GBF1: variants seen among roughly 807,000 people sequenced by gnomAD.
The protein encoded by GBF1 is golgi brefeldin A resistant guanine nucleotide exchange factor 1, also known as Golgi-specific brefeldin A-resistance guanine nucleotide exchange factor 1.
In GBF1, 114 loss-of-function variants were observed where a neutral mutation model predicts 210.5. The observed-to-expected ratio is 0.54, with a 90% CI of 0.47 to 0.63. The LOEUF is 0.63. Among genes scored for constraint, GBF1 ranks in the 30% least tolerant of loss-of-function variants. The pLI, the probability that GBF1 is intolerant of heterozygous loss-of-function variation, is 0.00. For missense variants in GBF1, 1,851 were observed against 2,357.7 expected (o/e 0.79, Z 4.45); for synonymous variants, 850 against 889.2 (o/e 0.96, Z 0.78).
chr10:102,268,388 A>G (rs1179823937), intron 3 of GBF1, among the ~76,000 whole-genome samples: 3 of 152,252 alleles, frequency 2.0e-5, no homozygotes, highest in Admixed American at 6.5e-5. Flanking sequence ...TAGCTCTCAA[A>G]AACAGAGAAA....
intron 3 of GBF1, among the ~76,000 whole-genome samples, chr10:102,290,235 A>G (rs933016763): frequency 2.6e-5 from 4 of 152,184 alleles, no homozygotes; most frequent in African/African-American, 9.7e-5. Context: ...CATTTTTTAA[A>G]GTATATTTTT....
Position 102,369,447 on chromosome 10 carries a change from T to C in GBF1, c.3150+60T>C, listed in dbSNP as rs189570676. ...AGGCAAGAGCTGCAACATTGTATGC[T>C]ACCTGTACATAGAAGTAAGTGGTTG... On this transcript the variant is annotated intron_variant, in intron 24 of 39. Coordinates refer to ENST00000369983, the MANE Select transcript of GBF1 (RefSeq NM_001377137.1). 275 of 1,295,710 alleles carry C rather than the reference T, an allele frequency of 2.1e-4. 2 individuals are homozygous for C. In the East Asian group the frequency reaches 6.2e-3, roughly 29 times the overall value. 80.3% of individuals were successfully genotyped at this position (1,295,710 alleles called of 1,614,324 possible).
At chr10:102,370,884 G>A (rs1201743898) in intron 29 of GBF1, 24 bp downstream of exon 29, 5 of 1,611,354 alleles carry the variant, frequency 3.1e-6, no homozygotes, top group African/African-American at 2.7e-5. Flanking sequence ...ATCTTGGAGA[G>A]TGGGCAGGTA....
At chr10:102,325,550 C>CAAA (rs140406517) in intron 3 of GBF1, among the ~76,000 whole-genome samples, 42 of 96,356 alleles carry the variant, frequency 4.4e-4, no homozygotes, top group African/African-American at 1.4e-3. Context: ...GACTCCGTCT[C>CAAA]AAAAAAAAAA....
chr10:102,379,559 C>T lies in GBF1; in HGVS notation c.4684C>T (p.Arg1562Trp), dbSNP rs776846075. Residue 1562 changes from arginine (R) to tryptophan (W), a missense_variant, in exon 35 of 40, where the codon CGG (arginine) becomes TGG (tryptophan). Around this residue, in one of 3 missense-constraint regions of GBF1, gnomAD observed 967 missense variants for 1,247.7 expected, o/e 0.78. Coordinates refer to ENST00000369983, the MANE Select transcript of GBF1 (RefSeq NM_001377137.1). ...GTGCTGCGATGCCCGGCGCCAGGTA[C>T]GGATGCAGGCACTGACCTATCTGCA... ...CLCCDARRQV[R>W]MQALTYLQRA... The T allele has an allele frequency of 6.2e-7, 1 of 1,614,100 alleles. No homozygotes were observed. The highest frequency in any genetic ancestry group is 1.1e-5 in the South Asian group (1 of 91,070).
chr10:102,302,182 G>C (rs189549989), intron 3 of GBF1, among the ~76,000 whole-genome samples: 1 of 152,200 alleles, frequency 6.6e-6, no homozygotes, highest in Non-Finnish European at 1.5e-5. Context: ...GGAGAATCAG[G>C]CAGGGAGGTT....
Position 102,376,927 on chromosome 10 carries a change from C to A in GBF1, c.4289-8C>A. 1 of 1,613,414 alleles carries A rather than the reference C, an allele frequency of 6.2e-7. No individual in the cohort carries two copies. Among genetic ancestry groups the A allele is most frequent in the South Asian group, 1.1e-5 (1 of 91,056 alleles). On this transcript the variant is annotated splice_region_variant and splice_polypyrimidine_tract_variant and intron_variant, in intron 32 of 39. Coordinates refer to ENST00000369983, the MANE Select transcript of GBF1 (RefSeq NM_001377137.1). ...ACAGAAATGTGACCTGAGTCTGGCTCTGCTCAGGATGCAAGTCCCAGGAGA... is the reference window on the plus strand; with the variant it reads ...ACAGAAATGTGACCTGAGTCTGGCTATGCTCAGGATGCAAGTCCCAGGAGA...
intron 29 of GBF1, 39 bp downstream of exon 29, chr10:102,370,899 A>G (rs750561739): frequency 2.5e-6 from 4 of 1,587,068 alleles, no homozygotes; most frequent in East Asian, 4.5e-5. Context: ...CAGGTATGCA[A>G]GGGATTAAGG....
At chr10:102,311,954 A>C (rs913425057) in intron 3 of GBF1, among the ~76,000 whole-genome samples, 1 of 152,088 alleles carries the variant, frequency 6.6e-6, no homozygotes, top group African/African-American at 2.4e-5. Flanking sequence ...CCCACTTTTA[A>C]ATATCTCTTC....
At position 102,358,136 on chromosome 10, in the gene GBF1, G is replaced by C. The variant is rs1336762740; in HGVS notation, c.737G>C (p.Gly246Ala). ...PPRHMTKVTPGSELPTPNGTT... is the reference protein window; with the variant it reads ...PPRHMTKVTPASELPTPNGTT... ...CGCCATATGACCAAAGTCACACCAGGTTCAGAGCTGCCCACTCCCAATGGA... is the reference window on the plus strand; with the variant it reads ...CGCCATATGACCAAAGTCACACCAGCTTCAGAGCTGCCCACTCCCAATGGA... Residue 246 changes from glycine to alanine, a missense_variant, in exon 9 of 40, where the codon GGT (glycine) becomes GCT (alanine). Gly to Ala is a moderately conservative substitution (Grantham distance 60, BLOSUM62 0). This residue lies in a region of GBF1 where 804 missense variants were observed against 958.6 expected (regional missense o/e 0.84). Transcript: ENST00000369983. 1 of 1,613,750 alleles carries C rather than the reference G, an allele frequency of 6.2e-7. No individual in the cohort carries two copies. The highest frequency in any genetic ancestry group is 1.3e-5 in the African/African-American group (1 of 75,014).
chr10:102,303,296 T>C (rs933679350), intron 3 of GBF1, among the ~76,000 whole-genome samples: 1 of 152,126 alleles, frequency 6.6e-6, no homozygotes, highest in Admixed American at 6.5e-5. Flanking sequence ...CTTTAATTTT[T>C]GTATATGATA....
At position 102,382,853 on chromosome 10, in the gene GBF1, AAC is replaced by A. The variant is rs1449655700; in HGVS notation, c.*519_*520del. ...GCATGTACATATGGAAAAACAGAAC[AAC>A]AGTGGACTTTTTATGATATAATAAA... On this transcript the variant is annotated 3_prime_UTR_variant, in exon 40 of 40. Transcript: ENST00000369983. 1 of 154,442 alleles carries A rather than the reference AAC, an allele frequency of 6.5e-6. No homozygotes were observed. Among genetic ancestry groups the A allele is most frequent in the Non-Finnish European group, 1.4e-5 (1 of 69,390 alleles). 9.6% of individuals were successfully genotyped at this position (154,442 alleles called of 1,614,324 possible).
intron 3 of GBF1, among the ~76,000 whole-genome samples, chr10:102,277,625 C>T (rs1263051093): frequency 6.6e-6 from 1 of 152,112 alleles, no homozygotes; most frequent in East Asian, 1.9e-4. Context: ...GTGATCCGCC[C>T]ACCTCGGCCT....
intron 3 of GBF1, among the ~76,000 whole-genome samples, chr10:102,284,892 G>T (rs183488425): frequency 2.4e-3 from 365 of 152,080 alleles, no homozygotes; most frequent in African/African-American, 6.8e-3. Flanking sequence ...ATGCATGAGG[G>T]TTCCAGTTTT....
chr10:102,270,944 C>T (rs1057339283), intron 3 of GBF1, among the ~76,000 whole-genome samples: 2 of 152,152 alleles, frequency 1.3e-5, no homozygotes, highest in African/African-American at 4.8e-5. Context: ...CCCAGCAGCT[C>T]AAGCGATCCT....
intron 39 of GBF1, among the ~76,000 whole-genome samples, chr10:102,381,823 GAAAA>G (rs386372282): frequency 1.0e-4 from 2 of 19,090 alleles, no homozygotes; most frequent in African/African-American, 1.9e-4. Flanking sequence ...ACCCTGTCGC[GAAAA>G]AAAAAAAAAA....
rs371879137 is a variant in GBF1 at position 102,370,227 on chromosome 10, A to G, written c.3393A>G (p.Ser1131=). 3 of 1,610,684 alleles carry G rather than the reference A, an allele frequency of 1.9e-6. No individual in the cohort carries two copies. The highest frequency in any genetic ancestry group is 2.7e-5 in the African/African-American group (2 of 74,856). ...ITESKFLQLE[S]LQELMKALVS... ...AAAGCAAGTTCCTCCAGCTGGAGTC[A>G]CTACAGGAGCTCATGAAGGTAAAGG... Residue 1131 remains serine, a synonymous_variant, in exon 27 of 40, where the codon TCA becomes TCG. Coordinates refer to ENST00000369983, the MANE Select transcript of GBF1 (RefSeq NM_001377137.1).
chr10:102,363,902 C>G lies in GBF1; in HGVS notation c.2106+104C>G. On this transcript the variant is annotated intron_variant, in intron 17 of 39. Coordinates refer to ENST00000369983, the MANE Select transcript of GBF1 (RefSeq NM_001377137.1). The surrounding 1 kb of genome is among the most constrained non-coding windows in gnomAD (Gnocchi z 4.2). The stretch of plus-strand genomic sequence containing the variant: ...AAGGAGAGTCTAGCACCTCATTGTA[C>G]AGCTTCCTGAGGCCAGTCTTTGGGC... 1.4e-6 allele frequency: 1 copy of G among 709,098 alleles called. No individual in the cohort carries two copies. The highest frequency in any genetic ancestry group is 2.4e-6 in the Non-Finnish European group (1 of 410,094). The allele number at this position is 709,098 out of a possible 1,614,324, so 43.9% of individuals were successfully genotyped here.
chr10:102,364,447 A>C (rs1389310488), intron 17 of GBF1, among the ~76,000 whole-genome samples: 5 of 146,122 alleles, frequency 3.4e-5, no homozygotes, highest in African/African-American at 1.2e-4. Flanking sequence ...GGTGGTCTTG[A>C]TCTCCTGACC....
Sources: allele counts gnomAD v4.1 joint callset (sites outside exome capture counted in the v4.1 genomes callset), GRCh38; gene constraint gnomAD v4.1.1; regional missense constraint gnomAD v4.1.1; non-coding constraint Gnocchi (gnomAD v3.1); transcripts MANE v1.5; gene names NCBI Gene and HGNC (gene_info 2026-07-23, HGNC 2026-07-21).